Variants in SULT1E1 observed in about 807,000 individuals in gnomAD.
SULT1E1 encodes the protein sulfotransferase family 1E member 1.
SULT1E1 carries 36 observed loss-of-function variants against 33.6 expected under a neutral mutation model. The observed-to-expected ratio is 1.07, with a 90% CI of 0.82 to 1.41. The LOEUF is 1.41. SULT1E1 is among the 40% of genes most tolerant of loss of function. SULT1E1 has a pLI of 0.00. For synonymous variants in SULT1E1, 121 were observed against 111.7 expected, an observed-to-expected ratio of 1.08 and a Z score of -0.53; for missense variants, 371 against 345.7, an observed-to-expected ratio of 1.07 and a Z score of -0.58.
chr4:69,846,989 A>G (rs1398212425), intron 6 of SULT1E1, among the ~76,000 whole-genome samples: 1 of 151,658 alleles, frequency 6.6e-6, no homozygotes, highest in Non-Finnish European at 1.5e-5. Flanking sequence ...TTATCACTGT[A>G]TCTTATATAC....
rs1578102059 is a variant in SULT1E1, at chr4:69,844,463, G to A, written c.592-122C>T. The stretch of plus-strand genomic sequence containing the variant: ...CTGATATTAGAATTAGATTTCTAAT[G>A]AGAAATCTAATTGGGGGAATTTTAT... On this transcript the variant is annotated intron_variant, in intron 6 of 7. Transcript: ENST00000226444. 8.3e-6 allele frequency: 6 copies of A among 726,432 alleles called. No homozygotes were observed. The East Asian group carries it at 1.5e-4, about 18-fold the overall frequency. The allele number at this position is 726,432 out of a possible 1,614,324, so 45.0% of individuals were successfully genotyped here. A position where few individuals can be genotyped will look rare whatever the true frequency, so the allele number is the denominator to read the frequency against.
intron 6 of SULT1E1, among the ~76,000 whole-genome samples, chr4:69,846,233 C>T (rs1364118571): frequency 1.4e-5 from 2 of 145,612 alleles, no homozygotes; most frequent in East Asian, 4.0e-4. Flanking sequence ...ATAGAACATT[C>T]ACAGTTTTCT....
the SULT1E1 span, among the ~76,000 whole-genome samples, chr4:69,824,055 G>A: frequency 6.6e-6 from 1 of 152,170 alleles, no homozygotes; most frequent in South Asian, 2.1e-4. Context: ...AATCTCTAAA[G>A]TTATTCAGGG....
chr4:69,857,361 C>G (rs1362266391), intron 2 of SULT1E1, 139 bp downstream of exon 2: 3 of 1,070,034 alleles, frequency 2.8e-6, no homozygotes, highest in South Asian at 2.0e-5. Context: ...ATAGAGCTAC[C>G]TTTTCTATGT....
At chr4:69,828,104 AT>A in the SULT1E1 span, among the ~76,000 whole-genome samples, 18 of 152,162 alleles carry the variant, frequency 1.2e-4, no homozygotes, top group African/African-American at 4.3e-4. Flanking sequence ...TCCCAGGTAC[AT>A]TTAACCATTG....
In SULT1E1 at chr4:69,849,453, T is replaced by C. The variant is rs1472692670; in HGVS notation, c.480A>G (p.Lys160=). 1.2e-6 allele frequency: 2 copies of C among 1,611,272 alleles called. No homozygotes were observed. The highest frequency in any genetic ancestry group is 1.7e-5 in the Admixed American group (1 of 59,836). Residue 160 remains lysine, a synonymous_variant, in exon 5 of 8, where the codon AAA becomes AAG. Coordinates refer to ENST00000226444, the MANE Select transcript of SULT1E1 (RefSeq NM_005420.3). ...NPGSFPEFVE[K]FMQGQVPYGS... is the part of the protein sequence containing the mutation. ...TGTTCCTACCCTGTCCTTGCATGAA[T>C]TTCTCCACAAACTCTGGAAAGGATC...
At chr4:69,854,005 T>A (rs998547167) in intron 4 of SULT1E1, among the ~76,000 whole-genome samples, 2 of 152,064 alleles carry the variant, frequency 1.3e-5, no homozygotes, top group East Asian at 1.9e-4. Context: ...GCTTAGGGAG[T>A]CTAACTGGAC....
At position 69,855,335 on chromosome 4, in the gene SULT1E1, A is replaced by G. The variant is rs11569714; in HGVS notation, c.237T>C (p.Pro79=). Residue 79 remains proline, a synonymous_variant, in exon 3 of 8, where the codon CCT becomes CCC. Coordinates refer to ENST00000226444, the MANE Select transcript of SULT1E1 (RefSeq NM_005420.3). The stretch of plus-strand genomic sequence containing the variant: ...GGTTTTCTTTTCTGCATTCCAGGAA[A>G]GGTATTCGATTAAAAATTACATCTT... ...CKEDVIFNRI[P]FLECRKENLM... The G allele has an allele frequency of 1.8e-5, 29 of 1,612,968 alleles. No individual in the cohort carries two copies. Among genetic ancestry groups the G allele is most frequent in the Admixed American group, 3.3e-5 (2 of 59,946 alleles).
At chr4:69,835,978 T>A in the SULT1E1 span, among the ~76,000 whole-genome samples, 1 of 152,194 alleles carries the variant, frequency 6.6e-6, no homozygotes, top group Non-Finnish European at 1.5e-5. Context: ...CTTCATAGAA[T>A]CATTGCTATT....
At chr4:69,834,687 G>A in the SULT1E1 span, among the ~76,000 whole-genome samples, 1 of 152,196 alleles carries the variant, frequency 6.6e-6, no homozygotes, top group African/African-American at 2.4e-5. Context: ...GTCTATCACA[G>A]TTGTAGTAGT....
chr4:69,821,742 G>A, the SULT1E1 span, among the ~76,000 whole-genome samples: 1 of 152,122 alleles, frequency 6.6e-6, no homozygotes, highest in Admixed American at 6.5e-5. Context: ...ATTAAACAAT[G>A]TAACCATGGT....
chr4:69,852,200 A>C (rs1311877170), intron 4 of SULT1E1, among the ~76,000 whole-genome samples: 1 of 152,036 alleles, frequency 6.6e-6, no homozygotes, highest in African/African-American at 2.4e-5. Context: ...GCTATTTCTA[A>C]GCTTGTGGCC....
chr4:69,855,465 T>G, intron 2 of SULT1E1, 39 bp from the exon 3 acceptor site: 1 of 1,580,740 alleles, frequency 6.3e-7, no homozygotes, highest in Non-Finnish European at 8.6e-7. Context: ...CTGCTGACCC[T>G]GTAGAGTTGA....
intron 5 of SULT1E1, 75 bp downstream of exon 5, chr4:69,849,362 A>C: frequency 6.4e-7 from 1 of 1,554,896 alleles, no homozygotes. Context: ...AGAACAGTTA[A>C]AAACTTTTAC....
At chr4:69,849,330 G>T in intron 5 of SULT1E1, 107 bp downstream of exon 5, 3 of 1,332,148 alleles carry the variant, frequency 2.3e-6, no homozygotes, top group Non-Finnish European at 3.1e-6. Context: ...TTTTAACTAT[G>T]AATCAGGGAA....
At chr4:69,831,248 T>C in the SULT1E1 span, among the ~76,000 whole-genome samples, 11 of 152,316 alleles carry the variant, frequency 7.2e-5, no homozygotes, top group South Asian at 2.1e-4. Context: ...CTCGTTTATC[T>C]TGCCTTTCCT....
downstream of SULT1E1, among the ~76,000 whole-genome samples, chr4:69,839,785 T>TTA (rs2110063564): frequency 6.6e-6 from 1 of 152,232 alleles, no homozygotes; most frequent in South Asian, 2.1e-4. Context: ...AATCTAAAGG[T>TTA]GTTGAAGTTT....
intron 7 of SULT1E1, among the ~76,000 whole-genome samples, chr4:69,843,319 TG>T (rs1409643583): frequency 2.0e-5 from 3 of 152,210 alleles, no homozygotes; most frequent in Non-Finnish European, 4.4e-5. Flanking sequence ...TTAAGTCCTC[TG>T]TAACATTTAT....
In SULT1E1 at chr4:69,844,260, G is replaced by A. The variant is rs140157798; in HGVS notation, c.673C>T (p.His225Tyr). The change falls in exon 7 of 8, where the codon CAT (histidine) becomes TAT (tyrosine). Residue 225 changes from histidine (H) to tyrosine (Y), a missense_variant. Transcript: ENST00000226444. ...TTCTTCATCTCTTGGAACGAAGTAT[G>A]ATGTATAATCCTGTCCACAAGCTCC... Reference protein sequence around the residue: ...SEELVDRIIHHTSFQEMKNNP... With the variant: ...SEELVDRIIHYTSFQEMKNNP... 2.7e-5 allele frequency: 44 copies of A among 1,613,804 alleles called. No homozygotes were observed. In the African/African-American group the frequency reaches 5.6e-4, roughly 21 times the overall value.
Sources: allele counts gnomAD v4.1 joint callset (sites outside exome capture counted in the v4.1 genomes callset), GRCh38; gene constraint gnomAD v4.1.1; transcripts MANE v1.5; gene names NCBI Gene and HGNC (gene_info 2026-07-23, HGNC 2026-07-21).